Variants in HPS5 observed in about 807,000 individuals in gnomAD.
HPS5 encodes BLOC-2 complex member HPS5.
Under a neutral mutation model 128.0 loss-of-function variants are expected in HPS5, and 83 were observed. That is an observed-to-expected ratio of 0.65 (90% CI 0.54 to 0.78). HPS5 has a LOEUF of 0.78. Among genes scored for constraint, HPS5 ranks in the 30% least tolerant of loss-of-function variants. The pLI is 0.00. For missense variants in HPS5, 1,281 were observed against 1,326.2 expected (o/e 0.97, Z 0.53); for synonymous variants, 475 against 470.2 (o/e 1.01, Z -0.13).
At chr11:18,296,596 A>C (rs1241278033) in intron 12 of HPS5, 1 of 679,206 alleles carries the variant, frequency 1.5e-6, no homozygotes, top group Admixed American at 2.3e-5. Flanking sequence ...ATGTTAGTCC[A>C]AACGTGAGGG....
intron 2 of HPS5, among the ~76,000 whole-genome samples, chr11:18,317,256 A>AT (rs1253636726): frequency 1.5e-5 from 2 of 133,106 alleles, no homozygotes; most frequent in African/African-American, 2.6e-5. Flanking sequence ...GGGCCTGATA[A>AT]ATTTTTTTTT....
chr11:18,313,386 A>G (rs925583873), intron 2 of HPS5, among the ~76,000 whole-genome samples: 1 of 152,260 alleles, frequency 6.6e-6, no homozygotes, highest in Non-Finnish European at 1.5e-5. Context: ...TGTTACCTTC[A>G]TGTCACTGAA....
rs1272090397 is a variant in HPS5, at chr11:18,306,024, G to A, written c.824+111C>T. On this transcript the variant is annotated intron_variant, in intron 7 of 22. Coordinates refer to ENST00000349215, the MANE Select transcript of HPS5 (RefSeq NM_181507.2). ...TGGGATTACAGGCGTGTGCCAACAC[G>A]CCCAGCCAGGTATAATAAAATCTTT... 9.3e-6 allele frequency: 8 copies of A among 860,684 alleles called. 1 individual carries two copies. The highest frequency in any genetic ancestry group is 5.8e-5 in the Admixed American group (3 of 51,430). 53.3% of individuals were successfully genotyped at this position (860,684 alleles called of 1,614,324 possible).
intron 5 of HPS5, among the ~76,000 whole-genome samples, chr11:18,310,117 C>T (rs149464079): frequency 6.6e-5 from 10 of 152,272 alleles, no homozygotes; most frequent in Non-Finnish European, 1.0e-4. Flanking sequence ...ATGTAATGGT[C>T]GTGGAGGAGC....
chr11:18,290,821 C>T (rs546496590), intron 16 of HPS5, among the ~76,000 whole-genome samples: 2 of 152,294 alleles, frequency 1.3e-5, no homozygotes, highest in South Asian at 4.1e-4. Context: ...ACTCAGAAAA[C>T]TGAGGCAGGA....
At chr11:18,305,384 CT>C (rs747573283) in intron 8 of HPS5, 37 bp downstream of exon 8, 27 of 1,344,016 alleles carry the variant, frequency 2.0e-5, no homozygotes, top group Middle Eastern at 1.8e-4. Context: ...TCTAAGTATT[CT>C]TTTTCCCCCC....
chr11:18,315,245 G>T (rs1210813349), intron 2 of HPS5, among the ~76,000 whole-genome samples: 1 of 152,146 alleles, frequency 6.6e-6, no homozygotes, highest in Non-Finnish European at 1.5e-5. Flanking sequence ...CTTTAACCTT[G>T]TCTCGTTTCC....
chr11:18,292,566 CAG>C (rs1860545003), intron 15 of HPS5, among the ~76,000 whole-genome samples: 1 of 152,210 alleles, frequency 6.6e-6, no homozygotes, highest in Non-Finnish European at 1.5e-5. Flanking sequence ...CTGATGGACT[CAG>C]AAAGTCATTC....
At chr11:18,297,078 G>A in intron 11 of HPS5, 94 bp from the exon 12 acceptor site, 1 of 843,288 alleles carries the variant, frequency 1.2e-6, no homozygotes, top group Non-Finnish European at 1.9e-6. Context: ...CACTCAAATA[G>A]AAAGTTAATA....
chr11:18,318,494 C>T (rs978898961), intron 1 of HPS5, among the ~76,000 whole-genome samples: 2 of 152,056 alleles, frequency 1.3e-5, no homozygotes, highest in Non-Finnish European at 1.5e-5. Flanking sequence ...GAAAAATAAG[C>T]GCTTCAACAA....
chr11:18,280,226 A>G (rs376257442), intron 22 of HPS5, among the ~76,000 whole-genome samples: 7 of 152,238 alleles, frequency 4.6e-5, no homozygotes, highest in African/African-American at 1.4e-4. Context: ...TTGAATAGCT[A>G]TTTCTCCAAA....
Position 18,293,001 on chromosome 11 carries a change from T to C in HPS5, c.1785-25A>G. On this transcript the variant is annotated intron_variant, in intron 14 of 22. Coordinates refer to ENST00000349215, the MANE Select transcript of HPS5 (RefSeq NM_181507.2). The stretch of plus-strand genomic sequence containing the variant: ...CCTAAAAAAGTGTGCAAAATAACAA[T>C]AACATTCACAAGAGTTAGAGGGGAT... The C allele has an allele frequency of 2.5e-6, 4 of 1,582,652 alleles. No homozygotes were observed. The South Asian group carries it at 3.3e-5, about 13-fold the overall frequency.
chr11:18,311,879 C>T lies in HPS5; in HGVS notation c.219+35G>A, dbSNP rs767723296. 26 of 1,308,074 alleles carry T rather than the reference C, an allele frequency of 2.0e-5. 1 individual carries two copies. In the South Asian group the frequency reaches 2.9e-4, roughly 15 times the overall value. The allele number at this position is 1,308,074 out of a possible 1,614,324, so 81.0% of individuals were successfully genotyped here. Reference sequence around the variant, plus strand: ...AAATTTGCATTTATGAAAGAGACTCCAAATGGTGTATGACAGAGCTGCCCT... The same window carrying T: ...AAATTTGCATTTATGAAAGAGACTCTAAATGGTGTATGACAGAGCTGCCCT... On this transcript the variant is annotated intron_variant, in intron 3 of 22. Coordinates refer to ENST00000349215, the MANE Select transcript of HPS5 (RefSeq NM_181507.2).
intron 14 of HPS5, among the ~76,000 whole-genome samples, chr11:18,294,726 T>C (rs184782625): frequency 6.6e-6 from 1 of 152,232 alleles, no homozygotes; most frequent in East Asian, 1.9e-4. Context: ...AAGGACATAG[T>C]CTATGGCACA....
At chr11:18,317,690 T>C (rs867551436) in intron 2 of HPS5, 61 bp downstream of exon 2, 1 of 1,513,164 alleles carries the variant, frequency 6.6e-7, no homozygotes, top group Middle Eastern at 1.7e-4. Context: ...AACTGGAGGG[T>C]AGGGGCACAG....
rs182194013 is a variant in HPS5, at chr11:18,286,458, C to T, written c.2837+133G>A. 8 of 856,822 alleles carry T rather than the reference C, an allele frequency of 9.3e-6. No homozygotes were observed. The African/African-American group carries it at 1.2e-4, about 13-fold the overall frequency. The allele number at this position is 856,822 out of a possible 1,614,324, so 53.1% of individuals were successfully genotyped here. On this transcript the variant is annotated intron_variant, in intron 19 of 22. Transcript: ENST00000349215. ...AAGCTAAGGTTGAAGGGTTTAATCA[C>T]CTGAGCCTAGGAGGTCAAGGCTGCA...
At chr11:18,298,321 G>A (rs146762294) in intron 10 of HPS5, among the ~76,000 whole-genome samples, 4,190 of 151,804 alleles carry the variant, frequency 0.028, 163 homozygotes, top group African/African-American at 0.088. Context: ...GTGAAACCCC[G>A]TCTCTACTAA....
rs147004181 is a variant in HPS5, at chr11:18,319,341, G to A, written c.-49-1434C>T. Among the ~76,000 whole-genome samples the A allele has an allele frequency of 2.4e-3, 365 of 150,844 alleles. 1 individual carries two copies. Among genetic ancestry groups the A allele is most frequent in the Middle Eastern group, 0.01 (3 of 294 alleles). ...CAAACTGCTTTGTTAGAACTTTACAGGACAGAGGGATCACATTGAATTAAA... is the reference window on the plus strand; with the variant it reads ...CAAACTGCTTTGTTAGAACTTTACAAGACAGAGGGATCACATTGAATTAAA... On this transcript the variant is annotated intron_variant, in intron 1 of 22. Transcript: ENST00000349215.
intron 2 of HPS5, among the ~76,000 whole-genome samples, chr11:18,315,757 T>TA (rs145472013): frequency 0.019 from 2,958 of 152,242 alleles, 102 homozygotes; most frequent in African/African-American, 0.068. Context: ...CATGCCCAGA[T>TA]AGACTTTTCA....
Sources: gnomAD v4.1 joint callset for allele counts (sites outside exome capture counted in the v4.1 genomes callset) on GRCh38, gnomAD v4.1.1 for gene constraint, MANE v1.5 for transcripts, NCBI Gene and HGNC (gene_info 2026-07-23, HGNC 2026-07-21) for gene names.